Variants in SLC6A9 observed in about 807,000 individuals in gnomAD.
The protein encoded by SLC6A9 is sodium- and chloride-dependent glycine transporter 1.
A neutral mutation model predicts 70.9 loss-of-function variants in SLC6A9; 31 were observed. That is an observed-to-expected ratio of 0.44 (90% CI 0.33 to 0.59). SLC6A9 has a LOEUF of 0.59. Ranked by LOEUF, SLC6A9 falls within the 20% of genes least tolerant of loss-of-function variation. SLC6A9 has a pLI of 0.04. For synonymous variants in SLC6A9, 310 were observed against 341.3 expected (o/e 0.91, Z 1.01); for missense variants, 631 against 845.2 (o/e 0.75, Z 3.14).
At chr1:44,020,970 A>G (rs1262671357) in intron 2 of SLC6A9, among the ~76,000 whole-genome samples, 3 of 152,234 alleles carry the variant, frequency 2.0e-5, no homozygotes, top group Non-Finnish European at 4.4e-5. Flanking sequence ...GAAGAGGTCA[A>G]CAAAGCTCAC....
At chr1:44,010,510 C>T (rs1451195590) in intron 3 of SLC6A9, 3 of 306,156 alleles carry the variant, frequency 9.8e-6, no homozygotes, top group Non-Finnish European at 1.9e-5. Flanking sequence ...TCAAAGGGGG[C>T]CAACTGGCAG....
chr1:44,001,943 C>T (rs532371125), intron 8 of SLC6A9, among the ~76,000 whole-genome samples: 33 of 152,232 alleles, frequency 2.2e-4, no homozygotes, highest in Admixed American at 1.8e-3. Flanking sequence ...ACTATGCTGC[C>T]CAGGCTTGTC....
intron 2 of SLC6A9, among the ~76,000 whole-genome samples, chr1:44,019,756 C>T (rs1490552479): frequency 6.6e-6 from 1 of 152,280 alleles, no homozygotes; most frequent in Non-Finnish European, 1.5e-5. Flanking sequence ...TCCCCCAGCT[C>T]CCGCCTCTGA....
At position 44,018,516 on chromosome 1, in the gene SLC6A9, C is replaced by T. The variant is rs908364167; in HGVS notation, c.30+5732G>A. On this transcript the variant is annotated intron_variant, in intron 2 of 13. Coordinates refer to ENST00000372310, the MANE Select transcript of SLC6A9 (RefSeq NM_001024845.3). The surrounding 1 kb of genome is among the most constrained non-coding windows in gnomAD (Gnocchi z 4.2). Reference sequence around the variant, plus strand: ...GGCTGAGGCGGGAGAATCGCTTGAACCCGGGAGGTGGAGGTTGCAGTGAGC... The same window carrying T: ...GGCTGAGGCGGGAGAATCGCTTGAATCCGGGAGGTGGAGGTTGCAGTGAGC... Among the ~76,000 whole-genome samples the T allele has an allele frequency of 2.0e-4, 30 of 151,892 alleles. No individual in the cohort carries two copies. The highest frequency in any genetic ancestry group is 3.4e-3 in the Middle Eastern group (1 of 292).
intron 2 of SLC6A9, among the ~76,000 whole-genome samples, chr1:44,019,671 C>T (rs1360226205): frequency 6.6e-6 from 1 of 152,268 alleles, no homozygotes; most frequent in Non-Finnish European, 1.5e-5. Flanking sequence ...GCGGCAGCAG[C>T]CCAGCTGGGC....
In SLC6A9 at chr1:44,008,407, G is replaced by A. The variant is rs1194855577; in HGVS notation, c.536C>T (p.Ser179Phe). 3 of 1,614,136 alleles carry A rather than the reference G, an allele frequency of 1.9e-6. No homozygotes were observed. Among genetic ancestry groups the A allele is most frequent in the Non-Finnish European group, 8.5e-7 (1 of 1,179,952 alleles). The change falls in exon 5 of 14, where the codon TCC becomes TTC. Residue 179 changes from serine to phenylalanine, a missense_variant. Ser to Phe is a radical substitution (Grantham distance 155). Coordinates refer to ENST00000372310, the MANE Select transcript of SLC6A9 (RefSeq NM_001024845.3). ...CTGGAGGCTGTGGTTGAGCAGGTGG[G>A]AGAGGTTGCTGGGCAAGGCGGCTGG... Reference protein sequence around the residue: ...SRPAALPSNLSHLLNHSLQRT... With the variant: ...SRPAALPSNLFHLLNHSLQRT...
At position 44,001,562 on chromosome 1, in the gene SLC6A9, G is replaced by A. The variant is rs1278286264; in HGVS notation, c.1028C>T (p.Ser343Phe). ...GTGATTGGCCATGAAGCCGAGGATG[G>A]AGAAGATGACGAAGCCAGCATAGAC... Reference protein sequence around the residue: ...TSVYAGFVIFSILGFMANHLG... With the variant: ...TSVYAGFVIFFILGFMANHLG... Residue 343 changes from serine to phenylalanine, a missense_variant, in exon 9 of 14, where the codon TCC becomes TTC. Coordinates refer to ENST00000372310, the MANE Select transcript of SLC6A9 (RefSeq NM_001024845.3). 3 of 1,614,282 alleles carry A rather than the reference G, an allele frequency of 1.9e-6. No individual in the cohort carries two copies. Among genetic ancestry groups the A allele is most frequent in the East Asian group, 2.2e-5 (1 of 44,890 alleles).
At chr1:44,006,396 C>T (rs549288049) in intron 5 of SLC6A9, among the ~76,000 whole-genome samples, 4 of 151,798 alleles carry the variant, frequency 2.6e-5, no homozygotes, top group African/African-American at 7.2e-5. Flanking sequence ...GAGACCAGCC[C>T]GGCCAACATG....
chr1:44,001,656 T>C, intron 8 of SLC6A9, 29 bp from the exon 9 acceptor site: 1 of 1,558,482 alleles, frequency 6.4e-7, no homozygotes, highest in Non-Finnish European at 8.8e-7. Flanking sequence ...GAGTTCAGCT[T>C]CCCTCTCCCC....
At position 44,017,127 on chromosome 1, in the gene SLC6A9, C is replaced by T. The variant is rs200785272; in HGVS notation, c.31-6245G>A. Reference sequence around the variant, plus strand: ...GCGATCGCAGCCCGCGTGTCTCCGCCGCTCATTCACACCTCTGCCAGCTCC... The same window carrying T: ...GCGATCGCAGCCCGCGTGTCTCCGCTGCTCATTCACACCTCTGCCAGCTCC... On this transcript the variant is annotated intron_variant, in intron 2 of 13. Coordinates refer to ENST00000372310, the MANE Select transcript of SLC6A9 (RefSeq NM_001024845.3). 174 of 1,607,470 alleles carry T rather than the reference C, an allele frequency of 1.1e-4. No homozygotes were observed. In the East Asian group the frequency reaches 3.5e-3, roughly 33 times the overall value.
At chr1:44,022,618 G>C (rs2086903589) in intron 2 of SLC6A9, among the ~76,000 whole-genome samples, 1 of 151,972 alleles carries the variant, frequency 6.6e-6, no homozygotes, top group Non-Finnish European at 1.5e-5. Context: ...GATGCTGGAG[G>C]TTCAGAACAG....
At position 44,024,371 on chromosome 1, in the gene SLC6A9, A is replaced by T. The variant is rs1408763827; in HGVS notation, c.-85-9T>A. ...GCCACAGATCTCAAGAGCTGTGGAG[A>T]GAGCAGAGGGTGAGGTGAGGACTTG... On this transcript the variant is annotated splice_polypyrimidine_tract_variant and intron_variant, in intron 1 of 13. Transcript: ENST00000372310. 2.0e-6 allele frequency: 3 copies of T among 1,500,804 alleles called. No homozygotes were observed. Among genetic ancestry groups the T allele is most frequent in the Non-Finnish European group, 1.9e-6 (2 of 1,077,292 alleles). 93.0% of individuals were successfully genotyped at this position (1,500,804 alleles called of 1,614,324 possible).
Position 44,002,303 on chromosome 1 carries a change from G to A in SLC6A9, c.962+10C>T, listed in dbSNP as rs200814805. On this transcript the variant is annotated intron_variant, in intron 8 of 13. Coordinates refer to ENST00000372310, the MANE Select transcript of SLC6A9 (RefSeq NM_001024845.3). This position sits in a 1 kb window ranked among gnomAD's most constrained non-coding sequence, Gnocchi z 5.5. ...AAGGGGGCAGCCTCAGCCCAGCAGG[G>A]AGCACTCACCGGTAACAGTTATTGT... is the stretch of plus-strand genomic sequence containing the variant. The A allele has an allele frequency of 3.5e-5, 56 of 1,598,224 alleles. No homozygotes were observed. Among genetic ancestry groups the A allele is most frequent in the Admixed American group, 6.7e-5 (4 of 60,004 alleles).
At chr1:44,025,403 A>G (rs1415148155) in intron 1 of SLC6A9, among the ~76,000 whole-genome samples, 1 of 151,600 alleles carries the variant, frequency 6.6e-6, no homozygotes, top group Non-Finnish European at 1.5e-5. Flanking sequence ...TTAGTTTTTG[A>G]CAGGCCTCGG....
Position 44,010,083 on chromosome 1 carries a change from G to A in SLC6A9, c.201C>T (p.Phe67=). 1.9e-6 allele frequency: 3 copies of A among 1,613,962 alleles called. No individual in the cohort carries two copies. Among genetic ancestry groups the A allele is most frequent in the South Asian group, 1.1e-5 (1 of 91,072 alleles). The part of the protein sequence containing the change: ...CYRNGGGAFM[F]PYFIMLIFCG... ...AGAAGATGAGCATGATGAAGTAGGG[G>A]AACATGAAGGCGCCTGGTAGGCAGG... Residue 67 remains phenylalanine (F), a synonymous_variant, in exon 4 of 14, where the codon TTC becomes TTT. Transcript: ENST00000372310.
intron 5 of SLC6A9, among the ~76,000 whole-genome samples, chr1:44,006,692 G>T (rs536787764): frequency 1.4e-5 from 2 of 147,852 alleles, no homozygotes; most frequent in South Asian, 4.3e-4. Flanking sequence ...AAAAATGAAA[G>T]ACAAATGAAA....
chr1:44,017,367 CAA>C (rs2086786948), intron 2 of SLC6A9: 1 of 1,163,834 alleles, frequency 8.6e-7, no homozygotes, highest in Admixed American at 4.6e-5. Flanking sequence ...GTAACTGGAA[CAA>C]CACACACACA....
intron 2 of SLC6A9, among the ~76,000 whole-genome samples, chr1:44,020,749 T>C (rs991732267): frequency 6.6e-6 from 1 of 152,216 alleles, no homozygotes; most frequent in African/African-American, 2.4e-5. Flanking sequence ...CCAGGTCCTA[T>C]GACGGATGCT....
At chr1:44,020,603 A>G (rs1051992772) in intron 2 of SLC6A9, among the ~76,000 whole-genome samples, 2 of 152,204 alleles carry the variant, frequency 1.3e-5, no homozygotes, top group East Asian at 1.9e-4. Context: ...CCAGGCAGGG[A>G]CAGGCCCTCT....
Sources: gnomAD v4.1 joint callset for allele counts (sites outside exome capture counted in the v4.1 genomes callset) on GRCh38, gnomAD v4.1.1 for gene constraint, Gnocchi (gnomAD v3.1) non-coding constraint, MANE v1.5 for transcripts, NCBI Gene and HGNC (gene_info 2026-07-23, HGNC 2026-07-21) for gene names.